The following CYLD variants were observed in gnomAD, a reference collection of about 807,000 sequenced individuals.
The protein encoded by CYLD is ubiquitin carboxyl-terminal hydrolase CYLD.
Under a neutral mutation model 104.5 loss-of-function variants are expected in CYLD, and 26 were observed. That is an observed-to-expected ratio of 0.25 (90% CI 0.18 to 0.35). The LOEUF (loss-of-function observed/expected upper bound fraction) is 0.35, where lower values mean the gene tolerates loss of function less well. Among genes scored for constraint, CYLD ranks in the 10% least tolerant of loss-of-function variants. The pLI, the probability that CYLD is intolerant of heterozygous loss-of-function variation, is 1.00. For synonymous variants in CYLD, 385 were observed against 399.9 expected (o/e 0.96, Z 0.45); for missense variants, 703 against 1,136.1 (o/e 0.62, Z 5.48).
At chr16:50,742,667 G>A (rs928604881) in intron 1 of CYLD, 95 bp from the exon 2 acceptor site, 1 of 394,954 alleles carries the variant, frequency 2.5e-6, no homozygotes, top group South Asian at 1.3e-4. Flanking sequence ...CGGGGCGTAC[G>A]TACCGATCGA....
intron 4 of CYLD, among the ~76,000 whole-genome samples, chr16:50,752,431 G>A (rs951630354): frequency 7.2e-5 from 11 of 152,224 alleles, no homozygotes; most frequent in African/African-American, 2.6e-4. Flanking sequence ...TACCTGAGTA[G>A]AGGAAAACCA....
intron 14 of CYLD, among the ~76,000 whole-genome samples, chr16:50,790,197 A>T (rs1971289521): frequency 6.6e-6 from 1 of 152,240 alleles, no homozygotes; most frequent in African/African-American, 2.4e-5. Flanking sequence ...GGACTAAATT[A>T]CCATTCAGAG....
At chr16:50,743,590 T>C (rs1237271996) in intron 2 of CYLD, among the ~76,000 whole-genome samples, 1 of 152,232 alleles carries the variant, frequency 6.6e-6, no homozygotes, top group African/African-American at 2.4e-5. Flanking sequence ...TTTTGTTTGA[T>C]TTAAGGAAGT....
At chr16:50,764,289 C>A (rs1211303800) in intron 5 of CYLD, among the ~76,000 whole-genome samples, 5 of 152,152 alleles carry the variant, frequency 3.3e-5, no homozygotes, top group Non-Finnish European at 5.9e-5. Context: ...TATTCCTTGA[C>A]TATTTGACAA....
chr16:50,791,890 T>A (rs1356420451), intron 15 of CYLD, among the ~76,000 whole-genome samples, 200 bp downstream of exon 15: 1 of 152,244 alleles, frequency 6.6e-6, no homozygotes, highest in Non-Finnish European at 1.5e-5. Context: ...TTGAATTTTT[T>A]GGATTTCTGC....
intron 5 of CYLD, among the ~76,000 whole-genome samples, 163 bp from the exon 6 acceptor site, chr16:50,775,003 C>A (rs1969524835): frequency 6.6e-6 from 1 of 152,120 alleles, no homozygotes; most frequent in Non-Finnish European, 1.5e-5. Flanking sequence ...CCTCTTTCAA[C>A]CATGGAAAAA....
chr16:50,793,542 TC>T lies in CYLD; in HGVS notation c.2351-3del. On this transcript the variant is annotated splice_region_variant and splice_polypyrimidine_tract_variant and intron_variant, in intron 16 of 18. Transcript: ENST00000427738. Reference sequence around the variant, plus strand: ...TAACTTCCCTTCCCCTTCTCACATTTCAGCTCCCAGACAGTGCCGGATATGT... The same window carrying T: ...TAACTTCCCTTCCCCTTCTCACATTTAGCTCCCAGACAGTGCCGGATATGT... The T allele has an allele frequency of 6.3e-7, 1 of 1,598,270 alleles. No homozygotes were observed. Among genetic ancestry groups the T allele is most frequent in the Non-Finnish European group, 8.6e-7 (1 of 1,165,564 alleles).
chr16:50,780,195 T>C, intron 9 of CYLD, 151 bp downstream of exon 9: 8 of 950,788 alleles, frequency 8.4e-6, no homozygotes, highest in East Asian at 2.6e-5. Flanking sequence ...CTGACTTCCC[T>C]TTGCCGCCCC....
At chr16:50,759,003 C>A (rs962692971) in intron 5 of CYLD, among the ~76,000 whole-genome samples, 1 of 152,136 alleles carries the variant, frequency 6.6e-6, no homozygotes, top group African/African-American at 2.4e-5. Context: ...CTTTAGGAAG[C>A]CGAAGTGGGC....
chr16:50,763,134 T>C (rs1968137430), intron 5 of CYLD, among the ~76,000 whole-genome samples: 1 of 152,236 alleles, frequency 6.6e-6, no homozygotes, highest in Admixed American at 6.5e-5. Flanking sequence ...TGTGGTCTTT[T>C]GTGATTTACT....
chr16:50,790,193 A>T (rs1421681630), intron 14 of CYLD, among the ~76,000 whole-genome samples: 1 of 152,242 alleles, frequency 6.6e-6, no homozygotes, highest in Non-Finnish European at 1.5e-5. Flanking sequence ...ACCAGGACTA[A>T]ATTACCATTC....
At chr16:50,780,551 C>A (rs1970120422) in intron 9 of CYLD, among the ~76,000 whole-genome samples, 1 of 152,224 alleles carries the variant, frequency 6.6e-6, no homozygotes, top group Non-Finnish European at 1.5e-5. Context: ...TGGGGTCTCA[C>A]TCTGTCACCC....
In CYLD at chr16:50,796,846, C is replaced by A; in HGVS notation, c.*338C>A. ...GTGGAAGTTTAAAGCCTCTTTTAGT[C>A]CATTGAGAATGTAAATAAATGTGTC... On this transcript the variant is annotated 3_prime_UTR_variant, in exon 19 of 19. Coordinates refer to ENST00000427738, the MANE Select transcript of CYLD (RefSeq NM_001378743.1). 2.6e-6 allele frequency: 1 copy of A among 379,670 alleles called. No individual in the cohort carries two copies. Among genetic ancestry groups the A allele is most frequent in the Non-Finnish European group, 4.9e-6 (1 of 202,556 alleles). 23.5% of individuals were successfully genotyped at this position (379,670 alleles called of 1,614,324 possible). A position where few individuals can be genotyped will look rare whatever the true frequency, so the allele number is the denominator to read the frequency against.
intron 2 of CYLD, among the ~76,000 whole-genome samples, chr16:50,745,159 A>G (rs1031754841): frequency 2.0e-4 from 31 of 152,096 alleles, no homozygotes; most frequent in African/African-American, 7.0e-4. Context: ...CAACCTGCAA[A>G]ATAATAAGAG....
At chr16:50,793,770 G>C in intron 17 of CYLD, 106 bp downstream of exon 17, 3 of 828,652 alleles carry the variant, frequency 3.6e-6, no homozygotes, top group Admixed American at 1.8e-5. Context: ...CATAATTAAC[G>C]GTTAAAAATT....
In CYLD at chr16:50,791,731, T is replaced by A. The variant is rs60845592; in HGVS notation, c.2241+41T>A. On this transcript the variant is annotated intron_variant, in intron 15 of 18. Transcript: ENST00000427738. ...CTGTGGTATTTTATGTGAAAGTCTGTGGGAGTCTTAAGACTATTGGTAGTT... is the reference window on the plus strand; with the variant it reads ...CTGTGGTATTTTATGTGAAAGTCTGAGGGAGTCTTAAGACTATTGGTAGTT... 10,866 of 1,607,998 alleles carry A rather than the reference T, an allele frequency of 6.8e-3. 552 individuals are homozygous for A. In the African/African-American group the frequency reaches 0.12, roughly 18 times the overall value.
In CYLD at chr16:50,784,311, A is replaced by T; in HGVS notation, c.1827-18A>T. On this transcript the variant is annotated intron_variant, in intron 11 of 18. Coordinates refer to ENST00000427738, the MANE Select transcript of CYLD (RefSeq NM_001378743.1). ...ATATGTTTACAGCATGAAGAAAATT[A>T]TCCTTTTTCTTTTGCAGCTTATTTG... is the stretch of plus-strand genomic sequence containing the variant. 6.2e-7 allele frequency: 1 copy of T among 1,611,916 alleles called. No individual in the cohort carries two copies. The highest frequency in any genetic ancestry group is 8.5e-7 in the Non-Finnish European group (1 of 1,178,546).
intron 12 of CYLD, 198 bp downstream of exon 12, chr16:50,784,649 G>A (rs1045705387): frequency 1.6e-5 from 9 of 546,514 alleles, no homozygotes; most frequent in Non-Finnish European, 2.6e-5. Flanking sequence ...TGGCCAAGGT[G>A]TAGAACATAG....
Position 50,801,770 on chromosome 16 carries a change from T to C in CYLD, c.*5262T>C, listed in dbSNP as rs1597110040. On this transcript the variant is annotated 3_prime_UTR_variant, in exon 19 of 19. Coordinates refer to ENST00000427738, the MANE Select transcript of CYLD (RefSeq NM_001378743.1). ...TTGTCTGCAGAACATCCTATATTTA[T>C]GAGAACATTCTTTAAGAAGACCACC... is the stretch of plus-strand genomic sequence containing the variant. 1 of 233,322 alleles carries C rather than the reference T, an allele frequency of 4.3e-6. No homozygotes were observed. The highest frequency in any genetic ancestry group is 6.0e-5 in the East Asian group (1 of 16,596). The allele number at this position is 233,322 out of a possible 1,614,324, so 14.5% of individuals were successfully genotyped here.
Sources: allele counts gnomAD v4.1 joint callset (sites outside exome capture counted in the v4.1 genomes callset), GRCh38; gene constraint gnomAD v4.1.1; transcripts MANE v1.5; gene names NCBI Gene and HGNC (gene_info 2026-07-23, HGNC 2026-07-21).